Variants in ARFGEF1 observed in about 807,000 individuals in gnomAD.
ARFGEF1 encodes the protein brefeldin A-inhibited guanine nucleotide-exchange protein 1.
Under a neutral mutation model 231.0 loss-of-function variants are expected in ARFGEF1, and 42 were observed. The ratio of observed to expected loss-of-function variants is 0.18; its 90% CI spans 0.14 to 0.24. The LOEUF (loss-of-function observed/expected upper bound fraction) is 0.24. ARFGEF1 is among the 10% of genes least tolerant of loss of function. The pLI is 1.00. For synonymous variants in ARFGEF1, 710 were observed against 732.3 expected, an observed-to-expected ratio of 0.97 and a Z score of 0.49; for missense variants, 1,345 against 2,192.0, an observed-to-expected ratio of 0.61 and a Z score of 7.72.
downstream of ARFGEF1, chr8:67,193,440 T>G: frequency 6.2e-7 from 1 of 1,602,416 alleles, no homozygotes; most frequent in Non-Finnish European, 8.5e-7. Flanking sequence ...AATGACTTTC[T>G]GAAGTTCTGT....
At chr8:67,286,184 A>G (rs1368331467) in intron 7 of ARFGEF1, among the ~76,000 whole-genome samples, 2 of 152,282 alleles carry the variant, frequency 1.3e-5, no homozygotes, top group Admixed American at 6.5e-5. Context: ...TATACAACCG[A>G]TTTTCAAATG....
chr8:67,303,527 G>A (rs750698333), intron 1 of ARFGEF1, among the ~76,000 whole-genome samples: 2 of 151,902 alleles, frequency 1.3e-5, no homozygotes, highest in South Asian at 2.1e-4. Context: ...TCTGGCCAAC[G>A]TGGTGAAACA....
At chr8:67,341,575 T>C (rs1187582945) in intron 1 of ARFGEF1, among the ~76,000 whole-genome samples, 5 of 152,110 alleles carry the variant, frequency 3.3e-5, no homozygotes, top group South Asian at 4.1e-4. Context: ...TCAGTCTGGG[T>C]GACAGAGCAA....
chr8:67,282,527 T>C (rs1407805645), intron 7 of ARFGEF1, among the ~76,000 whole-genome samples: 1 of 152,146 alleles, frequency 6.6e-6, no homozygotes, highest in East Asian at 1.9e-4. Flanking sequence ...CTTAAAAATT[T>C]TTTTTGTGGT....
At position 67,269,083 on chromosome 8, in the gene ARFGEF1, AC is replaced by A. The variant is rs1804964910; in HGVS notation, c.1573-1642del. Among the ~76,000 whole-genome samples, 4 of 152,288 alleles carry A rather than the reference AC, an allele frequency of 2.6e-5. No individual in the cohort carries two copies. In the South Asian group the frequency reaches 8.3e-4, roughly 32 times the overall value. The stretch of plus-strand genomic sequence containing the variant: ...CATAATAGGGGCTCTAAAAAAATCA[AC>A]CTTTTAATAATTTATCGAGGACCTA... On this transcript the variant is annotated intron_variant, in intron 10 of 38. Transcript: ENST00000262215.
intron 33 of ARFGEF1, among the ~76,000 whole-genome samples, chr8:67,213,526 T>C (rs1242051699): frequency 6.6e-6 from 1 of 152,152 alleles, no homozygotes; most frequent in Non-Finnish European, 1.5e-5. Flanking sequence ...TAATGATTAC[T>C]TTTGTGTCAA....
At chr8:67,207,568 C>A (rs112693402) in intron 34 of ARFGEF1, among the ~76,000 whole-genome samples, 1 of 152,206 alleles carries the variant, frequency 6.6e-6, no homozygotes, top group Non-Finnish European at 1.5e-5. Context: ...ATTAGTCAAC[C>A]ATTTCATTGT....
At chr8:67,253,367 C>T (rs527937397) in intron 18 of ARFGEF1, 84 bp downstream of exon 18, 1 of 1,010,014 alleles carries the variant, frequency 9.9e-7, no homozygotes, top group Non-Finnish European at 1.4e-6. Flanking sequence ...TGCAAACCAC[C>T]ACACCTGACC....
chr8:67,193,635 A>C (rs1435061090), downstream of ARFGEF1: 1 of 1,582,214 alleles, frequency 6.3e-7, no homozygotes, highest in Middle Eastern at 1.7e-4. Flanking sequence ...CTATAGTAGA[A>C]TCCTGTATGA....
intron 1 of ARFGEF1, among the ~76,000 whole-genome samples, chr8:67,334,469 AG>A (rs1808252086): frequency 6.6e-6 from 1 of 152,226 alleles, no homozygotes; most frequent in Non-Finnish European, 1.5e-5. Flanking sequence ...AGAAACGGGA[AG>A]CCTCATACAC....
chr8:67,281,337 TA>T (rs1554645082), intron 7 of ARFGEF1, among the ~76,000 whole-genome samples: 9 of 151,848 alleles, frequency 5.9e-5, no homozygotes, highest in Non-Finnish European at 1.5e-5. Flanking sequence ...TGAAAAGTCA[TA>T]AAAAAATCAA....
chr8:67,194,699 AAAG>A (rs201810184), downstream of ARFGEF1, among the ~76,000 whole-genome samples: 102 of 151,944 alleles, frequency 6.7e-4, 1 homozygote, highest in South Asian at 6.5e-3. Flanking sequence ...AAAAAAAAAA[AAAG>A]AATATGATAT....
Position 67,276,026 on chromosome 8 carries a change from T to C in ARFGEF1, c.1287A>G (p.Ser429=), listed in dbSNP as rs745994281. The C allele has an allele frequency of 1.2e-6, 2 of 1,613,484 alleles. No homozygotes were observed. Among genetic ancestry groups the C allele is most frequent in the Non-Finnish European group, 1.7e-6 (2 of 1,179,552 alleles). ...LQKDAFLVFR[S]LCKLSMKPLS... ...GTGGTTTCATTGACAGTTTACACAATGACCTGAATACTAGAAAGGCATCCT... is the reference window on the plus strand; with the variant it reads ...GTGGTTTCATTGACAGTTTACACAACGACCTGAATACTAGAAAGGCATCCT... Residue 429 remains serine, a synonymous_variant, in exon 9 of 39, where the codon TCA becomes TCG. Coordinates refer to ENST00000262215, the MANE Select transcript of ARFGEF1 (RefSeq NM_006421.5).
chr8:67,248,377 T>C (rs1413243113), intron 19 of ARFGEF1, among the ~76,000 whole-genome samples: 3 of 150,040 alleles, frequency 2.0e-5, no homozygotes, highest in Non-Finnish European at 4.4e-5. Context: ...ACCAAGAACA[T>C]ACATTGGGAG....
At chr8:67,216,747 T>A in intron 32 of ARFGEF1, 85 bp from the exon 33 acceptor site, 1 of 1,039,830 alleles carries the variant, frequency 9.6e-7, no homozygotes, top group Non-Finnish European at 1.4e-6. Flanking sequence ...CCCAAGAAAG[T>A]AACAAGAACA....
At chr8:67,339,087 C>T (rs17842082) in intron 1 of ARFGEF1, among the ~76,000 whole-genome samples, 6,656 of 152,180 alleles carry the variant, frequency 0.044, 322 homozygotes, top group African/African-American at 0.11. Flanking sequence ...AATATTGTAT[C>T]TCTGGATGAA....
intron 5 of ARFGEF1, among the ~76,000 whole-genome samples, chr8:67,191,317 T>C (rs1161868207): frequency 6.6e-6 from 1 of 152,250 alleles, no homozygotes; most frequent in Admixed American, 6.5e-5. Context: ...TGTTTCCTTA[T>C]ATATGACGTG....
chr8:67,202,905 G>A (rs1838383760), intron 36 of ARFGEF1, among the ~76,000 whole-genome samples, 178 bp downstream of exon 36: 1 of 152,112 alleles, frequency 6.6e-6, no homozygotes, highest in Non-Finnish European at 1.5e-5. Context: ...CAGTTATCTG[G>A]CTTACTGTAG....
intron 5 of ARFGEF1, chr8:67,180,034 A>C: frequency 3.5e-6 from 2 of 564,606 alleles, no homozygotes; most frequent in Non-Finnish European, 6.1e-6. Context: ...AAAAAAAAAA[A>C]AAGGAATATT....
Sources: allele counts gnomAD v4.1 joint callset (sites outside exome capture counted in the v4.1 genomes callset), GRCh38; gene constraint gnomAD v4.1.1; transcripts MANE v1.5; gene names NCBI Gene and HGNC (gene_info 2026-07-23, HGNC 2026-07-21).